Variants in ZNF804B observed in about 807,000 individuals in gnomAD.
ZNF804B encodes the protein zinc finger 804B.
ZNF804B carries 80 observed loss-of-function variants against 101.4 expected under a neutral mutation model. The observed-to-expected ratio is 0.79, with a 90% CI of 0.66 to 0.95. The LOEUF (loss-of-function observed/expected upper bound fraction) is 0.95, where lower values mean the gene tolerates loss of function less well. Ranked by LOEUF, ZNF804B falls within the 40% of genes least tolerant of loss-of-function variation. The pLI is 0.00. For synonymous variants in ZNF804B, 622 were observed against 558.8 expected, an observed-to-expected ratio of 1.11 and a Z score of -1.59; for missense variants, 1,673 against 1,561.9, an observed-to-expected ratio of 1.07 and a Z score of -1.20.
intron 1 of ZNF804B, among the ~76,000 whole-genome samples, chr7:88,830,065 G>T (rs1459660532): frequency 6.6e-6 from 1 of 152,068 alleles, no homozygotes; most frequent in African/African-American, 2.4e-5. Flanking sequence ...TGTGGCCCTG[G>T]CAGGATTTGT....
At chr7:88,905,195 A>T (rs1339903727) in intron 1 of ZNF804B, among the ~76,000 whole-genome samples, 1 of 152,100 alleles carries the variant, frequency 6.6e-6, no homozygotes, top group Non-Finnish European at 1.5e-5. Context: ...TCCTGTGTCT[A>T]TTGAGATAAT....
At chr7:88,826,734 A>G (rs1431856795) in intron 1 of ZNF804B, among the ~76,000 whole-genome samples, 1 of 152,118 alleles carries the variant, frequency 6.6e-6, no homozygotes, top group Admixed American at 6.6e-5. Flanking sequence ...AATTATTTTT[A>G]AATGAAAAAT....
chr7:89,208,307 C>T (rs906930172), intron 1 of ZNF804B, among the ~76,000 whole-genome samples: 2 of 152,130 alleles, frequency 1.3e-5, no homozygotes, highest in African/African-American at 2.4e-5. Flanking sequence ...TGGTCTCAAT[C>T]TCCTGACCTC....
At chr7:89,181,790 T>C (rs1243415052) in intron 1 of ZNF804B, among the ~76,000 whole-genome samples, 6 of 152,252 alleles carry the variant, frequency 3.9e-5, no homozygotes, top group Admixed American at 1.3e-4. Flanking sequence ...CTTAAAGTTC[T>C]ATTGATCGGG....
At chr7:89,261,933 A>G (rs2115815371) in intron 2 of ZNF804B, among the ~76,000 whole-genome samples, 1 of 152,292 alleles carries the variant, frequency 6.6e-6, no homozygotes, top group Middle Eastern at 3.4e-3. Context: ...GCTTTTCATC[A>G]GAATCCTTCT....
At chr7:89,244,636 C>A (rs1055909087) in intron 2 of ZNF804B, among the ~76,000 whole-genome samples, 1 of 152,042 alleles carries the variant, frequency 6.6e-6, no homozygotes, top group Non-Finnish European at 1.5e-5. Context: ...TTTTAAAAAA[C>A]AGCTTCATAG....
chr7:89,239,393 G>A (rs1308083864), intron 2 of ZNF804B, among the ~76,000 whole-genome samples: 1 of 152,150 alleles, frequency 6.6e-6, no homozygotes, highest in Non-Finnish European at 1.5e-5. Context: ...CAGAGTTCAA[G>A]TCGCTCTTAA....
At chr7:88,970,586 A>C (rs1205518408) in intron 1 of ZNF804B, among the ~76,000 whole-genome samples, 1 of 151,498 alleles carries the variant, frequency 6.6e-6, no homozygotes, top group African/African-American at 2.4e-5. Flanking sequence ...GTCGTTAAGA[A>C]AATTGTACAG....
intron 1 of ZNF804B, among the ~76,000 whole-genome samples, chr7:88,862,004 T>C (rs996738739): frequency 2.0e-5 from 3 of 152,108 alleles, no homozygotes; most frequent in Non-Finnish European, 4.4e-5. Flanking sequence ...CACTTCAACA[T>C]CTCCCATCTG....
At position 88,890,001 on chromosome 7, in the gene ZNF804B, A is replaced by G. The variant is rs935497825; in HGVS notation, c.108+129917A>G. ...TTCATTCTTCTACATGTGGCTAGCC[A>G]GGTAACCCAGCATCACTTATTGAAC... On this transcript the variant is annotated intron_variant, in intron 1 of 3. Transcript: ENST00000333190. 3.9e-5 allele frequency among the ~76,000 whole-genome samples: 6 copies of G among 152,298 alleles called. No individual in the cohort carries two copies. In the East Asian group the frequency reaches 9.6e-4, roughly 24 times the overall value.
chr7:89,219,089 C>T (rs1428528849), intron 2 of ZNF804B, among the ~76,000 whole-genome samples: 1 of 151,608 alleles, frequency 6.6e-6, no homozygotes, highest in Non-Finnish European at 1.5e-5. Flanking sequence ...AGTACTAGGA[C>T]AGAATCTATT....
At chr7:88,766,291 A>G (rs571889158) in intron 1 of ZNF804B, among the ~76,000 whole-genome samples, 1 of 152,222 alleles carries the variant, frequency 6.6e-6, no homozygotes, top group African/African-American at 2.4e-5. Flanking sequence ...GCCCCCAGGC[A>G]ACAAAGGGAA....
At chr7:89,294,876 A>G (rs950740917) in intron 2 of ZNF804B, among the ~76,000 whole-genome samples, 2 of 151,926 alleles carry the variant, frequency 1.3e-5, no homozygotes, top group African/African-American at 4.8e-5. Context: ...AATTTTCATT[A>G]CTTATTTTGG....
intron 1 of ZNF804B, among the ~76,000 whole-genome samples, chr7:89,039,459 C>A (rs1788981057): frequency 1.3e-5 from 2 of 151,634 alleles, no homozygotes; most frequent in Admixed American, 1.3e-4. Flanking sequence ...TTGTTTTATG[C>A]TATTATAAAT....
intron 1 of ZNF804B, among the ~76,000 whole-genome samples, chr7:89,011,955 A>G (rs913168509): frequency 3.9e-5 from 6 of 152,170 alleles, no homozygotes; most frequent in South Asian, 2.1e-4. Context: ...GCAGTGCCCT[A>G]GAAGAGGTTC....
At chr7:89,296,168 CATACATAA>C (rs1305371406) in intron 2 of ZNF804B, among the ~76,000 whole-genome samples, 2 of 151,982 alleles carry the variant, frequency 1.3e-5, no homozygotes, top group Non-Finnish European at 2.9e-5. Context: ...TACATATGTA[CATACATAA>C]ATACATAAAT....
intron 1 of ZNF804B, among the ~76,000 whole-genome samples, chr7:89,017,444 G>T (rs542651427): frequency 6.6e-5 from 10 of 152,244 alleles, no homozygotes; most frequent in Non-Finnish European, 1.2e-4. Context: ...TCCAGTTTTT[G>T]CCCATTCAGT....
intron 1 of ZNF804B, among the ~76,000 whole-genome samples, chr7:89,174,052 C>G (rs375122887): frequency 1.1e-4 from 17 of 152,014 alleles, no homozygotes; most frequent in Admixed American, 1.1e-3. Context: ...AAGGATCCAT[C>G]GCCTCAAGCA....
At chr7:88,947,988 T>TA (rs1793161834) in intron 1 of ZNF804B, among the ~76,000 whole-genome samples, 1 of 151,998 alleles carries the variant, frequency 6.6e-6, no homozygotes, top group Non-Finnish European at 1.5e-5. Flanking sequence ...ATAATATCTG[T>TA]AGTGTGCTAC....
Sources: allele counts gnomAD v4.1 joint callset (sites outside exome capture counted in the v4.1 genomes callset), GRCh38; gene constraint gnomAD v4.1.1; transcripts MANE v1.5; gene names NCBI Gene and HGNC (gene_info 2026-07-23, HGNC 2026-07-21).